GMPS: variants seen among roughly 807,000 people sequenced by gnomAD.
The protein encoded by GMPS is GMP synthase [glutamine-hydrolyzing].
Under a neutral mutation model 77.9 loss-of-function variants are expected in GMPS, and 15 were observed. The observed-to-expected ratio is 0.19, with a 90% CI of 0.13 to 0.30. The LOEUF is 0.30. Ranked by LOEUF, GMPS falls within the 10% of genes least tolerant of loss-of-function variation. The pLI, the probability that GMPS is intolerant of heterozygous loss-of-function variation, is 1.00. For missense variants in GMPS, 590 were observed against 838.8 expected, an observed-to-expected ratio of 0.70 and a Z score of 3.66; for synonymous variants, 224 against 275.9, an observed-to-expected ratio of 0.81 and a Z score of 1.86.
At chr3:155,912,658 G>T (rs1185807493) in intron 7 of GMPS, among the ~76,000 whole-genome samples, 1 of 152,178 alleles carries the variant, frequency 6.6e-6, no homozygotes, top group East Asian at 1.9e-4. Flanking sequence ...TATAACTTAA[G>T]ATTTTTAGTA....
intron 7 of GMPS, among the ~76,000 whole-genome samples, chr3:155,912,259 G>A (rs892434636): frequency 6.6e-6 from 1 of 152,148 alleles, no homozygotes; most frequent in Non-Finnish European, 1.5e-5. Flanking sequence ...ATAAAACAGT[G>A]TAATACCTTA....
intron 9 of GMPS, 25 bp downstream of exon 9, chr3:155,916,217 A>G (rs761668801): frequency 6.9e-7 from 1 of 1,453,912 alleles, no homozygotes; most frequent in Non-Finnish European, 9.6e-7. Flanking sequence ...AAACTTTTTC[A>G]TAAAGTAGAT....
intron 1 of GMPS, among the ~76,000 whole-genome samples, chr3:155,888,528 C>T (rs1754391388): frequency 6.6e-6 from 1 of 151,906 alleles, no homozygotes; most frequent in African/African-American, 2.4e-5. Flanking sequence ...CTCCTGGGCT[C>T]CTCTCACCTC....
intron 7 of GMPS, among the ~76,000 whole-genome samples, chr3:155,911,926 G>T (rs573627878): frequency 6.6e-6 from 1 of 152,024 alleles, no homozygotes; most frequent in South Asian, 2.1e-4. Context: ...TCAGGTATGG[G>T]TATACAGATT....
chr3:155,879,146 C>G (rs1481350492), intron 1 of GMPS, among the ~76,000 whole-genome samples: 1 of 152,114 alleles, frequency 6.6e-6, no homozygotes. Flanking sequence ...CTCCTGGAAA[C>G]ACCCTCAGAG....
rs768652679 is a variant in GMPS at position 155,931,859 on chromosome 3, G to C, written c.1655G>C (p.Arg552Pro). 3 of 1,548,338 alleles carry C rather than the reference G, an allele frequency of 1.9e-6. No homozygotes were observed. The highest frequency in any genetic ancestry group is 3.3e-5 in the Admixed American group (2 of 59,820). ...SLIFLARLIPRMCHNVNRVVY... is the reference protein window; with the variant it reads ...SLIFLARLIPPMCHNVNRVVY... ...ATTTTTCTGGCTAGGCTTATACCTC[G>C]CATGTGTCACAACGTTAACAGGTGT... The change falls in exon 13 of 16, where the codon CGC (arginine) becomes CCC (proline). Residue 552 changes from arginine (R) to proline (P), a missense_variant. Arg to Pro is a moderately radical substitution (Grantham distance 103, BLOSUM62 -2). Coordinates refer to ENST00000496455, the MANE Select transcript of GMPS (RefSeq NM_003875.3).
intron 1 of GMPS, among the ~76,000 whole-genome samples, chr3:155,871,165 C>T (rs1446122318): frequency 6.6e-6 from 1 of 152,004 alleles, no homozygotes; most frequent in Non-Finnish European, 1.5e-5. Flanking sequence ...TCGCTGGCCC[C>T]CGCCTCCCCC....
chr3:155,931,747 T>G lies in GMPS; in HGVS notation c.1561-18T>G. The G allele has an allele frequency of 9.7e-7, 1 of 1,028,290 alleles. No individual in the cohort carries two copies. The allele number at this position is 1,028,290 out of a possible 1,614,324, so 63.7% of individuals were successfully genotyped here. On this transcript the variant is annotated intron_variant, in intron 12 of 15. Coordinates refer to ENST00000496455, the MANE Select transcript of GMPS (RefSeq NM_003875.3). ...TCTTTTGACTATTAAAAATTATTGA[T>G]TATCTTTTTATTTTCAGGGTGACTG... is the stretch of plus-strand genomic sequence containing the variant.
chr3:155,883,741 C>T (rs1754265311), intron 1 of GMPS, among the ~76,000 whole-genome samples: 1 of 152,226 alleles, frequency 6.6e-6, no homozygotes, highest in East Asian at 1.9e-4. Flanking sequence ...ATCTCAGTCT[C>T]CTCAGGAATG....
chr3:155,904,913 A>G (rs1421211945), intron 4 of GMPS, among the ~76,000 whole-genome samples: 1 of 152,226 alleles, frequency 6.6e-6, no homozygotes, highest in Non-Finnish European at 1.5e-5. Context: ...AATGTCAACA[A>G]CAAACCCCAA....
At chr3:155,923,006 T>C (rs1196042822) in intron 11 of GMPS, among the ~76,000 whole-genome samples, 3 of 152,064 alleles carry the variant, frequency 2.0e-5, no homozygotes, top group African/African-American at 7.2e-5. Flanking sequence ...TATGAGGTTA[T>C]AATAAAAAAT....
intron 4 of GMPS, among the ~76,000 whole-genome samples, chr3:155,904,584 C>T (rs62286844): frequency 0.054 from 8,266 of 152,170 alleles, 318 homozygotes; most frequent in East Asian, 0.18. Flanking sequence ...CCACTGCACC[C>T]TGCCGAAGAT....
chr3:155,916,601 A>G (rs1271775332), intron 9 of GMPS, among the ~76,000 whole-genome samples: 3 of 152,146 alleles, frequency 2.0e-5, no homozygotes, highest in African/African-American at 4.8e-5. Context: ...TCAGAACTTT[A>G]TTCCTATTTA....
chr3:155,940,741 T>G lies in GMPS; in HGVS notation c.*3049T>G, dbSNP rs1223537491. 1.4e-4 allele frequency: 6 copies of G among 43,472 alleles called. No individual in the cohort carries two copies. Among genetic ancestry groups the G allele is most frequent in the African/African-American group, 3.1e-4 (1 of 3,198 alleles). The allele number at this position is 43,472 out of a possible 1,614,324, so 2.7% of individuals were successfully genotyped here. A position where few individuals can be genotyped will look rare whatever the true frequency, so the allele number is the denominator to read the frequency against. The stretch of plus-strand genomic sequence containing the variant: ...GACAGAATGGAGAAGCTGGATAGTG[T>G]TTTTTTTTTTTTTTTTTAAGGTTCT... On this transcript the variant is annotated 3_prime_UTR_variant, in exon 16 of 16. Transcript: ENST00000496455.
intron 1 of GMPS, among the ~76,000 whole-genome samples, chr3:155,884,713 TA>T (rs1288295915): frequency 3.3e-5 from 5 of 152,190 alleles, no homozygotes; most frequent in African/African-American, 1.2e-4. Context: ...ATGTGCAGAT[TA>T]CATACAGTAG....
rs890336333 is a variant in GMPS at position 155,940,968 on chromosome 3, A to C, written c.*3276A>C. ...TGTTTTTTTGAAAAGCTGACAGAGA[A>C]TATGCTTTGGCTTTGACACTAATGA... is the stretch of plus-strand genomic sequence containing the variant. On this transcript the variant is annotated 3_prime_UTR_variant, in exon 16 of 16. Transcript: ENST00000496455. 3 of 206,494 alleles carry C rather than the reference A, an allele frequency of 1.5e-5. No homozygotes were observed. The highest frequency in any genetic ancestry group is 6.8e-5 in the African/African-American group (3 of 43,902). 12.8% of individuals were successfully genotyped at this position (206,494 alleles called of 1,614,324 possible).
At position 155,936,639 on chromosome 3, in the gene GMPS, T is replaced by C. The variant is rs1035835291; in HGVS notation, c.1980+129T>C. 1.6e-5 allele frequency: 9 copies of C among 575,932 alleles called. No individual in the cohort carries two copies. In the Admixed American group the frequency reaches 2.8e-4, roughly 18 times the overall value. 35.7% of individuals were successfully genotyped at this position (575,932 alleles called of 1,614,324 possible). On this transcript the variant is annotated intron_variant, in intron 15 of 15. Coordinates refer to ENST00000496455, the MANE Select transcript of GMPS (RefSeq NM_003875.3). Reference sequence around the variant, plus strand: ...TTTCTGTTCATAAGATAGGCTTTTTTTTTTAAATTTTCACATATTTGATTA... The same window carrying C: ...TTTCTGTTCATAAGATAGGCTTTTTCTTTTAAATTTTCACATATTTGATTA...
chr3:155,931,176 G>A (rs1434524197), intron 12 of GMPS, among the ~76,000 whole-genome samples: 1 of 151,698 alleles, frequency 6.6e-6, no homozygotes, highest in African/African-American at 2.4e-5. Context: ...CAGGTAATGG[G>A]AATGTTGAAT....
chr3:155,876,485 C>G (rs942829667), intron 1 of GMPS, among the ~76,000 whole-genome samples: 1 of 152,162 alleles, frequency 6.6e-6, no homozygotes, highest in Non-Finnish European at 1.5e-5. Context: ...AAGCCATAGC[C>G]GAAGGTGGTA....
Sources: gnomAD v4.1 joint callset for allele counts (sites outside exome capture counted in the v4.1 genomes callset) on GRCh38, gnomAD v4.1.1 for gene constraint, MANE v1.5 for transcripts, NCBI Gene and HGNC (gene_info 2026-07-23, HGNC 2026-07-21) for gene names.